The following HMGB1 variants were observed in gnomAD, a reference collection of about 807,000 sequenced individuals.
HMGB1 encodes the protein high mobility group box 1, also known as high mobility group protein B1.
For missense variants in HMGB1, 79 were observed against 253.5 expected (o/e 0.31, Z 4.67); for synonymous variants, 81 against 84.0 (o/e 0.96, Z 0.19).
At chr13:30,577,001 G>C (rs1430961857) in intron 1 of HMGB1, among the ~76,000 whole-genome samples, 1 of 152,154 alleles carries the variant, frequency 6.6e-6, no homozygotes, top group East Asian at 1.9e-4. Flanking sequence ...TTAAGGTTCA[G>C]TGAGGTCAAA....
At chr13:30,529,821 C>T (rs1346046070) in intron 1 of HMGB1, among the ~76,000 whole-genome samples, 1 of 152,206 alleles carries the variant, frequency 6.6e-6, no homozygotes, top group Admixed American at 6.5e-5. Context: ...ATCTGTCTCC[C>T]ACACACATCT....
At chr13:30,538,597 C>A (rs1329534658) in intron 1 of HMGB1, among the ~76,000 whole-genome samples, 1 of 103,924 alleles carries the variant, frequency 9.6e-6, no homozygotes, top group South Asian at 3.1e-4. Flanking sequence ...TTTCTTTCTT[C>A]TTTTTCTTTC....
At chr13:30,479,151 A>G (rs1425347250) in intron 1 of HMGB1, among the ~76,000 whole-genome samples, 1 of 152,226 alleles carries the variant, frequency 6.6e-6, no homozygotes, top group African/African-American at 2.4e-5. Flanking sequence ...TCATAGCTCT[A>G]AACTTTTACC....
intron 1 of HMGB1, among the ~76,000 whole-genome samples, chr13:30,519,003 T>C (rs1593287290): frequency 6.6e-6 from 1 of 152,048 alleles, no homozygotes; most frequent in African/African-American, 2.4e-5. Flanking sequence ...GGATTATGGG[T>C]GTGAGCCACT....
intron 1 of HMGB1, among the ~76,000 whole-genome samples, chr13:30,538,472 TTCTTTCTTTCTTTC>T (rs1338848117): frequency 1.2e-3 from 42 of 35,400 alleles, no homozygotes; most frequent in African/African-American, 3.6e-3. Context: ...CTTTCTTTCT[TTCTTTCTTTCTTTC>T]TTTCTTTCTT....
chr13:30,539,362 T>C (rs1265010204), intron 1 of HMGB1, among the ~76,000 whole-genome samples: 1 of 152,204 alleles, frequency 6.6e-6, no homozygotes, highest in Admixed American at 6.5e-5. Context: ...GTTTTATTAG[T>C]CATGTTGTAT....
intron 1 of HMGB1, among the ~76,000 whole-genome samples, chr13:30,500,722 ATTTC>A (rs1300147242): frequency 8.0e-6 from 1 of 125,748 alleles, no homozygotes; most frequent in Non-Finnish European, 1.7e-5. Flanking sequence ...CTGTTTTTTA[ATTTC>A]TTTTTTTTTT....
At position 30,602,013 on chromosome 13, in the gene HMGB1, C is replaced by T. The variant is rs186512736; in HGVS notation, c.-15+14658G>A. On this transcript the variant is annotated intron_variant, in intron 1 of 4. Transcript: ENST00000405805. ...AGACTATGAAGGAAGAGAGCATACT[C>T]GGGGCAGGGGGGTGAACAGGACGTG... Among the ~76,000 whole-genome samples the T allele has an allele frequency of 1.1e-3, 165 of 152,162 alleles. 1 individual carries two copies. The highest frequency in any genetic ancestry group is 1.7e-3 in the South Asian group (8 of 4,826).
chr13:30,502,637 T>C (rs1273263638), intron 1 of HMGB1, among the ~76,000 whole-genome samples: 2 of 125,262 alleles, frequency 1.6e-5, no homozygotes, highest in Admixed American at 2.0e-4. Flanking sequence ...GATTTTACTT[T>C]ACTTTATTTT....
At chr13:30,610,791 A>G (rs1331608181) in intron 1 of HMGB1, among the ~76,000 whole-genome samples, 2 of 152,176 alleles carry the variant, frequency 1.3e-5, no homozygotes, top group Admixed American at 6.5e-5. Context: ...AAACAGAGGT[A>G]GGGAAGCAAA....
At chr13:30,544,272 T>C (rs1057464127) in intron 1 of HMGB1, among the ~76,000 whole-genome samples, 3 of 152,234 alleles carry the variant, frequency 2.0e-5, no homozygotes, top group Admixed American at 6.5e-5. Context: ...CTCTGTTTCC[T>C]AGCCACAGTT....
At chr13:30,528,890 G>A (rs546148565) in intron 1 of HMGB1, among the ~76,000 whole-genome samples, 15 of 152,116 alleles carry the variant, frequency 9.9e-5, no homozygotes, top group Admixed American at 4.6e-4. Flanking sequence ...TTAGCCAGGC[G>A]TGGTGGCGGG....
intron 1 of HMGB1, among the ~76,000 whole-genome samples, chr13:30,573,223 T>C (rs1451871269): frequency 6.6e-6 from 1 of 152,164 alleles, no homozygotes; most frequent in Non-Finnish European, 1.5e-5. Context: ...TATTACTCTC[T>C]AGAAACACTA....
chr13:30,584,158 A>G (rs778661491), intron 1 of HMGB1, among the ~76,000 whole-genome samples: 13 of 152,224 alleles, frequency 8.5e-5, no homozygotes, highest in Non-Finnish European at 1.5e-4. Context: ...ACCCTAATCA[A>G]CAAGGCTCAA....
intron 1 of HMGB1, among the ~76,000 whole-genome samples, chr13:30,580,413 G>A (rs540878851): frequency 3.9e-5 from 6 of 152,246 alleles, no homozygotes; most frequent in South Asian, 2.1e-4. Flanking sequence ...AGACATCCCA[G>A]GCTATCTGGA....
Position 30,571,495 on chromosome 13 carries a change from C to T in HMGB1, c.-15+45176G>A, listed in dbSNP as rs553204891. On this transcript the variant is annotated intron_variant, in intron 1 of 4. Transcript: ENST00000405805. ...ATTTTTAGTAGAGACGGGGTTTCAC[C>T]ATGCTGGCCAGGCTGGTCTTGAACT... Among the ~76,000 whole-genome samples, 221 of 152,166 alleles carry T rather than the reference C, an allele frequency of 1.5e-3. 2 individuals carry two copies. Among genetic ancestry groups the T allele is most frequent in the African/African-American group, 5.0e-3 (208 of 41,496 alleles).
In HMGB1 at chr13:30,461,764, G is replaced by C; in HGVS notation, c.472-231C>G. 4 of 1,013,662 alleles carry C rather than the reference G, an allele frequency of 3.9e-6. No homozygotes were observed. In the South Asian group the frequency reaches 4.4e-5, roughly 11 times the overall value. 62.8% of individuals were successfully genotyped at this position (1,013,662 alleles called of 1,614,324 possible). On this transcript the variant is annotated intron_variant, in intron 4 of 4. Coordinates refer to ENST00000341423, the MANE Select transcript of HMGB1 (RefSeq NM_002128.7). ...CATGAAATGGCATAGTCTAATATTTGCAAAGTTATGCCTCATTGAGGTGCA... is the reference window on the plus strand; with the variant it reads ...CATGAAATGGCATAGTCTAATATTTCCAAAGTTATGCCTCATTGAGGTGCA...
intron 1 of HMGB1, among the ~76,000 whole-genome samples, chr13:30,536,950 C>A (rs562510337): frequency 7.1e-4 from 108 of 152,332 alleles, no homozygotes; most frequent in African/African-American, 2.4e-3. Flanking sequence ...CTGCTTCCAA[C>A]CATCATTTTG....
At chr13:30,605,040 G>C (rs1012156420) in intron 1 of HMGB1, among the ~76,000 whole-genome samples, 1 of 152,206 alleles carries the variant, frequency 6.6e-6, no homozygotes, top group African/African-American at 2.4e-5. Context: ...TCAGACACCA[G>C]GGTTTACTGC....
Sources: gnomAD v4.1 joint callset for allele counts (sites outside exome capture counted in the v4.1 genomes callset) on GRCh38, gnomAD v4.1.1 for gene constraint, MANE v1.5 for transcripts, NCBI Gene and HGNC (gene_info 2026-07-23, HGNC 2026-07-21) for gene names.